Variants in CPS1 observed in about 807,000 individuals in gnomAD.
CPS1 encodes carbamoyl-phosphate synthase 1, also known as carbamoyl-phosphate synthase [ammonia], mitochondrial.
In CPS1, 109 loss-of-function variants were observed where a neutral mutation model predicts 174.6. The ratio of observed to expected loss-of-function variants is 0.62; its 90% CI spans 0.53 to 0.73. The LOEUF (loss-of-function observed/expected upper bound fraction) is 0.73. Among genes scored for constraint, CPS1 ranks in the 30% least tolerant of loss-of-function variants. CPS1 has a pLI of 0.00. For synonymous variants in CPS1, 637 were observed against 632.0 expected (o/e 1.01, Z -0.12); for missense variants, 1,689 against 1,821.9 (o/e 0.93, Z 1.33).
intron 1 of CPS1, among the ~76,000 whole-genome samples, chr2:210,563,493 G>C (rs894558838): frequency 1.3e-5 from 2 of 152,012 alleles, no homozygotes; most frequent in Non-Finnish European, 1.5e-5. Flanking sequence ...TCCTCTTATA[G>C]TCCTGTAAGC....
intron 34 of CPS1, chr2:210,674,696 A>T (rs1701461979): frequency 3.3e-6 from 2 of 600,616 alleles, no homozygotes; most frequent in Non-Finnish European, 6.0e-6. Flanking sequence ...GATCAAGATT[A>T]TGTGGATGGA....
chr2:210,563,350 G>A (rs963117471), intron 1 of CPS1, among the ~76,000 whole-genome samples: 1 of 152,018 alleles, frequency 6.6e-6, no homozygotes, highest in East Asian at 1.9e-4. Flanking sequence ...GCTTTATATG[G>A]CTGTCAACAA....
At position 210,678,256 on chromosome 2, in the gene CPS1, G is replaced by C; in HGVS notation, c.*271G>C. On this transcript the variant is annotated 3_prime_UTR_variant, in exon 38 of 38. Coordinates refer to ENST00000233072, the MANE Select transcript of CPS1 (RefSeq NM_001875.5). Reference sequence around the variant, plus strand: ...ACTAGGCTTGCCTATGTGCTTATGTGTAGCTTTTTACTTTTTATGGTGCTG... The same window carrying C: ...ACTAGGCTTGCCTATGTGCTTATGTCTAGCTTTTTACTTTTTATGGTGCTG... The C allele has an allele frequency of 2.1e-6, 1 of 484,814 alleles. No homozygotes were observed. The allele number at this position is 484,814 out of a possible 1,614,324, so 30.0% of individuals were successfully genotyped here.
At chr2:210,576,626 T>A in intron 3 of CPS1, 136 bp downstream of exon 3, 1 of 950,798 alleles carries the variant, frequency 1.1e-6, no homozygotes, top group Non-Finnish European at 1.7e-6. Flanking sequence ...TCAATCTTAT[T>A]CCTAGGTACA....
At chr2:210,512,679 G>A (rs1695529977) in intron 1 of CPS1, among the ~76,000 whole-genome samples, 1 of 144,412 alleles carries the variant, frequency 6.9e-6, no homozygotes, top group Non-Finnish European at 1.5e-5. Context: ...GTATGCATGT[G>A]TCTTTTTGGT....
At chr2:210,571,133 A>G (rs1295462341) in intron 1 of CPS1, among the ~76,000 whole-genome samples, 2 of 151,970 alleles carry the variant, frequency 1.3e-5, no homozygotes, top group Non-Finnish European at 2.9e-5. Context: ...GGTTTCACTC[A>G]TAATAAATAA....
intron 1 of CPS1, among the ~76,000 whole-genome samples, chr2:210,491,310 T>TTG (rs1694869306): frequency 5.6e-5 from 1 of 17,788 alleles, no homozygotes; most frequent in African/African-American, 9.2e-5. Context: ...TATCTGTGTT[T>TTG]TTTTTTTTTT....
At chr2:210,652,203 C>T (rs1333025334) in intron 28 of CPS1, among the ~76,000 whole-genome samples, 1 of 152,104 alleles carries the variant, frequency 6.6e-6, no homozygotes, top group Non-Finnish European at 1.5e-5. Flanking sequence ...TAAAGCATTC[C>T]TTATATGGCT....
At chr2:210,565,213 A>C (rs889644488) in intron 1 of CPS1, among the ~76,000 whole-genome samples, 2 of 152,106 alleles carry the variant, frequency 1.3e-5, no homozygotes, top group African/African-American at 4.8e-5. Flanking sequence ...CTGCAGTCTT[A>C]TGAATCTTCC....
At chr2:210,588,628 C>A (rs532381761) in intron 7 of CPS1, among the ~76,000 whole-genome samples, 1 of 152,078 alleles carries the variant, frequency 6.6e-6, no homozygotes, top group Non-Finnish European at 1.5e-5. Flanking sequence ...TCAAGGAGAA[C>A]TTAACCATCA....
intron 1 of CPS1, among the ~76,000 whole-genome samples, chr2:210,562,983 T>G (rs1697154692): frequency 6.6e-6 from 1 of 152,074 alleles, no homozygotes. Flanking sequence ...ACATTTCTGT[T>G]CCTCCCATTT....
chr2:210,563,307 G>T (rs1697166472), intron 1 of CPS1, among the ~76,000 whole-genome samples: 1 of 152,036 alleles, frequency 6.6e-6, no homozygotes, highest in Non-Finnish European at 1.5e-5. Context: ...TTGAGAATAG[G>T]TTGTTTAAAT....
At chr2:210,503,649 T>A (rs1293766283) in intron 1 of CPS1, among the ~76,000 whole-genome samples, 1 of 152,064 alleles carries the variant, frequency 6.6e-6, no homozygotes, top group East Asian at 1.9e-4. Context: ...ATAAAAATTT[T>A]AGGAATCCAA....
At chr2:210,654,398 T>G (rs144931049) in intron 29 of CPS1, among the ~76,000 whole-genome samples, 188 of 152,312 alleles carry the variant, frequency 1.2e-3, no homozygotes, top group African/African-American at 4.2e-3. Context: ...TTTGTCTGTG[T>G]CTTTCCTTTT....
intron 1 of CPS1, among the ~76,000 whole-genome samples, chr2:210,479,213 C>A (rs935446550): frequency 6.6e-6 from 1 of 151,992 alleles, no homozygotes; most frequent in Non-Finnish European, 1.5e-5. Flanking sequence ...TTGTAGATGC[C>A]GTCTTCTCCT....
intron 33 of CPS1, among the ~76,000 whole-genome samples, chr2:210,663,804 A>G (rs1701001493): frequency 6.6e-6 from 1 of 152,256 alleles, no homozygotes; most frequent in South Asian, 2.1e-4. Flanking sequence ...GTCAGATTCT[A>G]GAAAGTTCTC....
chr2:210,672,011 C>G (rs1296166441), intron 34 of CPS1: 2 of 152,128 alleles, frequency 1.3e-5, no homozygotes, highest in African/African-American at 4.8e-5. Flanking sequence ...CTATTCCCCC[C>G]TTTCTCAAGC....
In CPS1 at chr2:210,556,647, A is replaced by G. The variant is rs1696921660; in HGVS notation, c.-87A>G. 2.5e-6 allele frequency: 4 copies of G among 1,582,720 alleles called. No homozygotes were observed. In the East Asian group the frequency reaches 9.1e-5, roughly 36 times the overall value. The stretch of plus-strand genomic sequence containing the variant: ...TAAACACTGACTGCACCCCTCCCAG[A>G]TTTCTTTTACATTAACTAAAAAGTC... On this transcript the variant is annotated 5_prime_UTR_variant, in exon 1 of 38. Transcript: ENST00000233072.
At chr2:210,605,312 T>C in intron 17 of CPS1, 66 bp downstream of exon 17, 2 of 1,573,308 alleles carry the variant, frequency 1.3e-6, no homozygotes, top group South Asian at 1.1e-5. Flanking sequence ...GCCAAGGCAG[T>C]CTTTATAAAG....
Sources: allele counts gnomAD v4.1 joint callset (sites outside exome capture counted in the v4.1 genomes callset), GRCh38; gene constraint gnomAD v4.1.1; transcripts MANE v1.5; gene names NCBI Gene and HGNC (gene_info 2026-07-23, HGNC 2026-07-21).